KRT35: variants seen among roughly 807,000 people sequenced by gnomAD.
The protein encoded by KRT35 is keratin 35, also known as keratin, type I cuticular Ha5.
In KRT35, 33 loss-of-function variants were observed where a neutral mutation model predicts 42.2. The observed-to-expected ratio is 0.78, with a 90% confidence interval of 0.59 to 1.05. The LOEUF (loss-of-function observed/expected upper bound fraction) is 1.05, where lower values mean the gene tolerates loss of function less well. KRT35 is among the 50% of genes least tolerant of loss of function. The probability of loss-of-function intolerance (pLI) is 0.00; values close to 1 mark genes in which losing one functional copy is unlikely to be tolerated. For missense variants in KRT35, 585 were observed against 589.2 expected, an observed-to-expected ratio of 0.99 and a Z score of 0.07; for synonymous variants, 218 against 238.2, an observed-to-expected ratio of 0.92 and a Z score of 0.78.
chr17:41,479,370 A>G lies in KRT35; in HGVS notation c.688T>C (p.Cys230Arg), dbSNP rs200154628. Residue 230 changes from cysteine to arginine, a missense_variant, in exon 3 of 7, where the codon TGC becomes CGC. By Grantham distance (180) the Cys-to-Arg change is radical (BLOSUM62 -3). Coordinates refer to ENST00000246639, the MANE Select transcript of KRT35 (RefSeq NM_002280.6). ...ACCTCCTCATGGTTCTTCTTCAGGC[A>G]GAGCAGCTCCTCCTTCAGGGACTCC... ...QVESLKEELL[C>R]LKKNHEEEVN... 6.2e-7 allele frequency: 1 copy of G among 1,613,432 alleles called. No individual in the cohort carries two copies. Among genetic ancestry groups the G allele is most frequent in the East Asian group, 2.2e-5 (1 of 44,820 alleles).
At chr17:41,478,218 C>T (rs1022895776) in intron 5 of KRT35, 143 bp downstream of exon 5, 57 of 841,310 alleles carry the variant, frequency 6.8e-5, no homozygotes, top group Non-Finnish European at 9.5e-5. Flanking sequence ...GTCCCTCATT[C>T]CCTCTTTTCT....
Position 41,476,877 on chromosome 17 carries a change from G to A in KRT35, c.*179C>T, listed in dbSNP as rs756457457. 4.9e-5 allele frequency: 28 copies of A among 572,526 alleles called. No homozygotes were observed. Among genetic ancestry groups the A allele is most frequent in the Middle Eastern group, 4.8e-4 (1 of 2,082 alleles). The allele number at this position is 572,526 out of a possible 1,614,324, so 35.5% of individuals were successfully genotyped here. On this transcript the variant is annotated 3_prime_UTR_variant, in exon 7 of 7. Transcript: ENST00000246639. ...GGAGTTGAGACCTTTGGGGGCAGCC[G>A]GCCTTTGTGACAGGCTCTGAGAAAC...
In KRT35 at chr17:41,478,376, C is replaced by T; in HGVS notation, c.984G>A (p.Gln328=). ...TGGGGCTCACCATGCTGTGCTGAGC[C>T]TGCAGCTCAATCTCCAGGGCGTTGA... ...RTVNALEIEL[Q]AQHSMRDALE... is the part of the protein sequence containing the mutation. The change falls in exon 5 of 7, where the codon CAG becomes CAA. Residue 328 remains glutamine (Q), a synonymous_variant. Coordinates refer to ENST00000246639, the MANE Select transcript of KRT35 (RefSeq NM_002280.6). 6.2e-7 allele frequency: 1 copy of T among 1,613,530 alleles called. No individual in the cohort carries two copies. The highest frequency in any genetic ancestry group is 8.5e-7 in the Non-Finnish European group (1 of 1,179,876).
At chr17:41,477,416 A>G in intron 6 of KRT35, 102 bp downstream of exon 6, 1 of 1,495,366 alleles carries the variant, frequency 6.7e-7, no homozygotes, top group South Asian at 1.3e-5. Flanking sequence ...AGAGAACAGA[A>G]CTCCAGACTC....
intron 1 of KRT35, 33 bp downstream of exon 1, chr17:41,480,594 C>T: frequency 6.5e-7 from 1 of 1,542,032 alleles, no homozygotes; most frequent in Middle Eastern, 1.7e-4. Flanking sequence ...ACACAAAGTT[C>T]CTGGGAATCC....
Position 41,481,039 on chromosome 17 carries a change from C to G in KRT35, c.59G>C (p.Gly20Ala). 6.2e-7 allele frequency: 1 copy of G among 1,613,934 alleles called. No homozygotes were observed. Among genetic ancestry groups the G allele is most frequent in the Non-Finnish European group, 8.5e-7 (1 of 1,180,004 alleles). ...FSSGSLKSPG[G>A]ASGGSTRVSA... ...CACACGAGTGGAGCCCCCACTGGCC[C>G]CTCCTGGGCTCTTGAGAGACCCAGA... is the stretch of plus-strand genomic sequence containing the variant. Residue 20 changes from glycine to alanine, a missense_variant, in exon 1 of 7, where the codon GGG becomes GCG. By Grantham distance (60) the Gly-to-Ala change is moderately conservative. Transcript: ENST00000246639.
At chr17:41,479,140 TC>T in intron 3 of KRT35, 145 bp from the exon 4 acceptor site, 1 of 981,210 alleles carries the variant, frequency 1.0e-6, no homozygotes, top group Non-Finnish European at 1.5e-6. Context: ...GCCCACCTCC[TC>T]CCCATGCTCA....
Position 41,477,097 on chromosome 17 carries a change from G to C in KRT35, c.1327C>G (p.Pro443Ala), listed in dbSNP as rs2071601. The C allele has an allele frequency of 0.55, 882,842 of 1,604,250 alleles. 245,218 individuals are homozygous for C. The highest frequency in any genetic ancestry group is 0.65 in the South Asian group (58,482 of 89,496). Reference sequence around the variant, plus strand: ...GGGCAGGGCACACAAATGGGGCGGGGGCTGCAGTTTGTGCGGGCTGCACTA... The same window carrying C: ...GGGCAGGGCACACAAATGGGGCGGGCGCTGCAGTTTGTGCGGGCTGCACTA... Reference protein sequence around the residue: ...GPSAARTNCSPRPICVPCPGG... With the variant: ...GPSAARTNCSARPICVPCPGG... Residue 443 changes from proline (P) to alanine (A), a missense_variant, in exon 7 of 7, where the codon CCC becomes GCC. Physicochemically the swap from Pro to Ala is conservative, Grantham distance 27. Coordinates refer to ENST00000246639, the MANE Select transcript of KRT35 (RefSeq NM_002280.6).
At position 41,477,156 on chromosome 17, in the gene KRT35, C is replaced by T; in HGVS notation, c.1268G>A (p.Cys423Tyr). The change falls in exon 7 of 7, where the codon TGC (cysteine) becomes TAC (tyrosine). Residue 423 changes from cysteine to tyrosine, a missense_variant. Transcript: ENST00000246639. ...CAPDYSPSKS[C>Y]LPCLPAASCG... ...GGAGGCCGCAGGAAGACAGGGAAGG[C>T]ATGACTTGGAGGGTGAGTAGTCAGG... The T allele has an allele frequency of 6.2e-7, 1 of 1,613,794 alleles. No individual in the cohort carries two copies. Among genetic ancestry groups the T allele is most frequent in the Non-Finnish European group, 8.5e-7 (1 of 1,179,828 alleles).
rs768978641 is a variant in KRT35 at position 41,477,529 on chromosome 17, A to G, written c.1209T>C (p.Ser403=). 1.2e-6 allele frequency: 2 copies of G among 1,613,234 alleles called. No homozygotes were observed. Among genetic ancestry groups the G allele is most frequent in the Non-Finnish European group, 1.7e-6 (2 of 1,180,000 alleles). ...EINTYRGLLE[S]EDSKLPCNPC... ...GCAGTGATACTCACTTGCTGTCCTCACTCTCCAGCAGGCCCCGGTACGTGT... is the reference window on the plus strand; with the variant it reads ...GCAGTGATACTCACTTGCTGTCCTCGCTCTCCAGCAGGCCCCGGTACGTGT... Residue 403 remains serine (S), a synonymous_variant, in exon 6 of 7, where the codon AGT becomes AGC. Transcript: ENST00000246639.
chr17:41,477,647 G>A lies in KRT35; in HGVS notation c.1091C>T (p.Ala364Val). Reference protein sequence around the residue: ...QMQCMITNVEAQLAEIRADLE... With the variant: ...QMQCMITNVEVQLAEIRADLE... ...GTCAGCCCGGATCTCGGCCAGCTGGGCCTCCACGTTGGTGATCATGCACTG... is the reference window on the plus strand; with the variant it reads ...GTCAGCCCGGATCTCGGCCAGCTGGACCTCCACGTTGGTGATCATGCACTG... The change falls in exon 6 of 7, where the codon GCC becomes GTC. Residue 364 changes from alanine to valine, a missense_variant. By Grantham distance (64) the Ala-to-Val change is moderately conservative. Coordinates refer to ENST00000246639, the MANE Select transcript of KRT35 (RefSeq NM_002280.6). 1 of 1,614,270 alleles carries A rather than the reference G, an allele frequency of 6.2e-7. No individual in the cohort carries two copies. Among genetic ancestry groups the A allele is most frequent in the Non-Finnish European group, 8.5e-7 (1 of 1,180,060 alleles).
At position 41,479,790 on chromosome 17, in the gene KRT35, A is replaced by T. The variant is rs1473828933; in HGVS notation, c.472-9T>A. On this transcript the variant is annotated splice_polypyrimidine_tract_variant and intron_variant, in intron 1 of 6. Coordinates refer to ENST00000246639, the MANE Select transcript of KRT35 (RefSeq NM_002280.6). Reference sequence around the variant, plus strand: ...GCCTTGCTGCATAGAGTCTGGAGATATGAAGAAGTTATTTCATTGCAAGAA... The same window carrying T: ...GCCTTGCTGCATAGAGTCTGGAGATTTGAAGAAGTTATTTCATTGCAAGAA... 5 of 1,610,376 alleles carry T rather than the reference A, an allele frequency of 3.1e-6. No individual in the cohort carries two copies. The highest frequency in any genetic ancestry group is 1.7e-4 in the Middle Eastern group (1 of 6,054).
intron 6 of KRT35, 78 bp downstream of exon 6, chr17:41,477,440 C>T: frequency 6.4e-7 from 1 of 1,573,590 alleles, no homozygotes; most frequent in Non-Finnish European, 8.7e-7. Context: ...ATGCCAGGCT[C>T]TTTCTAGGCA....
rs1245992927 is a variant in KRT35 at position 41,480,948 on chromosome 17, A to G, written c.150T>C (p.Ser50=). ...TTCTGCCCAGACCCACTGAGCAGGCAGAGAAACTTCTGGCCACAGGGGAGA... is the reference window on the plus strand; with the variant it reads ...TTCTGCCCAGACCCACTGAGCAGGCGGAGAAACTTCTGGCCACAGGGGAGA... ...PSLSPVARSF[S]ACSVGLGRSS... is the part of the protein sequence containing the mutation. Residue 50 remains serine, a synonymous_variant, in exon 1 of 7, where the codon TCT becomes TCC. Transcript: ENST00000246639. The G allele has an allele frequency of 1.2e-6, 2 of 1,614,174 alleles. No homozygotes were observed. Among genetic ancestry groups the G allele is most frequent in the Admixed American group, 1.7e-5 (1 of 60,024 alleles).
chr17:41,477,822 C>T (rs1235862380), intron 5 of KRT35, 84 bp from the exon 6 acceptor site: 7 of 1,483,062 alleles, frequency 4.7e-6, no homozygotes, highest in South Asian at 1.3e-5. Flanking sequence ...GGAGCTATAG[C>T]GGGCCTCCGT....
At position 41,476,909 on chromosome 17, in the gene KRT35, G is replaced by A; in HGVS notation, c.*147C>T. On this transcript the variant is annotated 3_prime_UTR_variant, in exon 7 of 7. Transcript: ENST00000246639. ...GTGACAGGCTCTGAGAAACTTTAGG[G>A]CATGTATTTGCAGAAAGCCTTTTCA... 2.7e-6 allele frequency: 2 copies of A among 750,036 alleles called. No individual in the cohort carries two copies. The highest frequency in any genetic ancestry group is 4.2e-6 in the Non-Finnish European group (2 of 477,782). The allele number at this position is 750,036 out of a possible 1,614,324, so 46.5% of individuals were successfully genotyped here. A position where few individuals can be genotyped will look rare whatever the true frequency, so the allele number is the denominator to read the frequency against.
In KRT35 at chr17:41,480,789, G is replaced by A; in HGVS notation, c.309C>T (p.Ser103=). ...LTGNEKETMQ[S]LNDRLAGYLE... ...GGTAGCCGGCCAGGCGGTCGTTCAG[G>A]GATTGCATGGTCTCCTTCTCATTGC... Residue 103 remains serine, a synonymous_variant, in exon 1 of 7, where the codon TCC becomes TCT. Transcript: ENST00000246639. 1 of 1,614,180 alleles carries A rather than the reference G, an allele frequency of 6.2e-7. No individual in the cohort carries two copies.
Position 41,479,682 on chromosome 17 carries a change from C to T in KRT35, c.554+17G>A, listed in dbSNP as rs745689891. ...GTTCTAGCAGCCCCCAACCACATGA[C>T]AAGCAGGACAACTCACTTGGTCCTG... is the stretch of plus-strand genomic sequence containing the variant. On this transcript the variant is annotated intron_variant, in intron 2 of 6. Coordinates refer to ENST00000246639, the MANE Select transcript of KRT35 (RefSeq NM_002280.6). The T allele has an allele frequency of 9.9e-6, 16 of 1,611,586 alleles. No individual in the cohort carries two copies. In the Admixed American group the frequency reaches 1.0e-4, roughly 10 times the overall value.
At position 41,476,885 on chromosome 17, in the gene KRT35, T is replaced by A. The variant is rs147181658; in HGVS notation, c.*171A>T. On this transcript the variant is annotated 3_prime_UTR_variant, in exon 7 of 7. Transcript: ENST00000246639. Reference sequence around the variant, plus strand: ...GACCTTTGGGGGCAGCCGGCCTTTGTGACAGGCTCTGAGAAACTTTAGGGC... The same window carrying A: ...GACCTTTGGGGGCAGCCGGCCTTTGAGACAGGCTCTGAGAAACTTTAGGGC... 2.6e-3 allele frequency: 1,596 copies of A among 614,914 alleles called. 16 individuals are homozygous for A. The African/African-American group carries it at 0.027, about 11-fold the overall frequency. 38.1% of individuals were successfully genotyped at this position (614,914 alleles called of 1,614,324 possible).
Sources: allele counts gnomAD v4.1 joint callset, GRCh38; gene constraint gnomAD v4.1.1; transcripts MANE v1.5; gene names NCBI Gene and HGNC (gene_info 2026-07-23, HGNC 2026-07-21).